Variants in ARHGAP24 observed in about 807,000 individuals in gnomAD.
ARHGAP24 encodes the protein rho GTPase-activating protein 24.
ARHGAP24 carries 50 observed loss-of-function variants against 76.4 expected under a neutral mutation model. That is an observed-to-expected ratio of 0.65 (90% CI 0.52 to 0.83). The LOEUF (loss-of-function observed/expected upper bound fraction) is 0.83. ARHGAP24 is among the 40% of genes least tolerant of loss of function. The pLI is 0.00. For synonymous variants in ARHGAP24, 345 were observed against 323.3 expected, an observed-to-expected ratio of 1.07 and a Z score of -0.72; for missense variants, 930 against 914.2, an observed-to-expected ratio of 1.02 and a Z score of -0.22.
intron 3 of ARHGAP24, among the ~76,000 whole-genome samples, chr4:85,744,495 A>G (rs1725951153): frequency 6.6e-6 from 1 of 152,230 alleles, no homozygotes; most frequent in African/African-American, 2.4e-5. Flanking sequence ...CTCTTGGAGC[A>G]CAAATTCAAG....
At chr4:85,957,690 T>G (rs1737998767) in intron 5 of ARHGAP24, among the ~76,000 whole-genome samples, 1 of 152,228 alleles carries the variant, frequency 6.6e-6, no homozygotes, top group African/African-American at 2.4e-5. Flanking sequence ...ATGCTTGGCT[T>G]CTTCTCTAAT....
chr4:85,728,076 A>G (rs1005608256), intron 3 of ARHGAP24, among the ~76,000 whole-genome samples: 1 of 152,124 alleles, frequency 6.6e-6, no homozygotes, highest in Non-Finnish European at 1.5e-5. Flanking sequence ...AATTATTTCC[A>G]ATACCCTCAG....
intron 3 of ARHGAP24, among the ~76,000 whole-genome samples, chr4:85,805,898 G>C (rs1487145370): frequency 6.6e-6 from 1 of 152,122 alleles, no homozygotes; most frequent in African/African-American, 2.4e-5. Context: ...CTCTCTAGAA[G>C]AATGCACATG....
chr4:85,727,916 A>G (rs1560604453), intron 3 of ARHGAP24, among the ~76,000 whole-genome samples: 1 of 152,194 alleles, frequency 6.6e-6, no homozygotes, highest in East Asian at 1.9e-4. Flanking sequence ...CACAAAAGAC[A>G]AGGGGATGAG....
chr4:85,888,779 C>T (rs1325954474), intron 3 of ARHGAP24, among the ~76,000 whole-genome samples: 1 of 152,080 alleles, frequency 6.6e-6, no homozygotes, highest in Non-Finnish European at 1.5e-5. Flanking sequence ...TCCTCCTACC[C>T]TCCACCCTCC....
At chr4:85,856,488 T>TTTTTTTTA (rs1731576133) in intron 3 of ARHGAP24, among the ~76,000 whole-genome samples, 1 of 140,696 alleles carries the variant, frequency 7.1e-6, no homozygotes, top group Admixed American at 7.0e-5. Context: ...TTTTTTTTTT[T>TTTTTTTTA]GAGACAAAGT....
intron 1 of ARHGAP24, among the ~76,000 whole-genome samples, chr4:85,488,662 A>C (rs550828040): frequency 6.6e-6 from 1 of 152,148 alleles, no homozygotes; most frequent in Non-Finnish European, 1.5e-5. Flanking sequence ...AGCCTTTCTC[A>C]CCTGGGGTTC....
In ARHGAP24 at chr4:85,570,431, C is replaced by CTT. The variant is rs202209554; in HGVS notation, c.-20-81_-20-80dup. 9.4e-5 allele frequency: 40 copies of CTT among 424,430 alleles called. 1 individual carries two copies. Among genetic ancestry groups the CTT allele is most frequent in the South Asian group, 5.5e-4 (12 of 21,744 alleles). The allele number at this position is 424,430 out of a possible 1,614,324, so 26.3% of individuals were successfully genotyped here. A position where few individuals can be genotyped will look rare whatever the true frequency, so the allele number is the denominator to read the frequency against. ...CTTTCTTTCTTTCCTCTCTCTCTCT[C>CTT]TTTTTTTTTTTCTGGAGAAGAGTGG... On this transcript the variant is annotated intron_variant, in intron 1 of 9. Coordinates refer to ENST00000395184, the MANE Select transcript of ARHGAP24 (RefSeq NM_001025616.3).
At chr4:85,905,498 G>T (rs1220239384) in intron 3 of ARHGAP24, among the ~76,000 whole-genome samples, 1 of 151,916 alleles carries the variant, frequency 6.6e-6, no homozygotes, top group African/African-American at 2.4e-5. Context: ...TTCCTCTCTT[G>T]TTCCTATTTT....
intron 1 of ARHGAP24, among the ~76,000 whole-genome samples, chr4:85,481,309 C>T (rs1407282070): frequency 6.6e-6 from 1 of 152,124 alleles, no homozygotes; most frequent in Admixed American, 6.5e-5. Context: ...CTGCATAAGT[C>T]CAAATACCCT....
At chr4:85,555,799 TG>T (rs1382035576) in intron 1 of ARHGAP24, among the ~76,000 whole-genome samples, 8 of 151,864 alleles carry the variant, frequency 5.3e-5, no homozygotes, top group African/African-American at 1.7e-4. Context: ...CAGCCTGGGG[TG>T]GGGTGGCTGC....
At chr4:85,931,325 C>T (rs899673146) in intron 4 of ARHGAP24, among the ~76,000 whole-genome samples, 3 of 151,998 alleles carry the variant, frequency 2.0e-5, no homozygotes, top group African/African-American at 7.2e-5. Flanking sequence ...CTGGGCTGAC[C>T]GTCCTCAGAG....
intron 3 of ARHGAP24, among the ~76,000 whole-genome samples, chr4:85,910,907 C>G (rs1735038706): frequency 6.6e-6 from 1 of 152,142 alleles, no homozygotes; most frequent in Non-Finnish European, 1.5e-5. Context: ...CGAGACCCAC[C>G]CCCTCCCATC....
At chr4:85,937,094 G>T (rs78818675) in intron 4 of ARHGAP24, among the ~76,000 whole-genome samples, 140 of 152,284 alleles carry the variant, frequency 9.2e-4, no homozygotes, top group African/African-American at 3.3e-3. Flanking sequence ...GGCATGATCC[G>T]ATTGAAATAT....
chr4:85,861,472 C>T (rs1731893823), intron 3 of ARHGAP24, among the ~76,000 whole-genome samples: 1 of 151,996 alleles, frequency 6.6e-6, no homozygotes, highest in South Asian at 2.1e-4. Context: ...TCAGTTTTGC[C>T]CTAATGTCCT....
intron 5 of ARHGAP24, among the ~76,000 whole-genome samples, chr4:85,954,459 T>A (rs1348440106): frequency 6.6e-6 from 1 of 152,204 alleles, no homozygotes; most frequent in East Asian, 1.9e-4. Flanking sequence ...TCCTTACCTG[T>A]CCTGATGCTA....
chr4:85,907,559 A>G (rs941490570), intron 3 of ARHGAP24, among the ~76,000 whole-genome samples: 3 of 151,922 alleles, frequency 2.0e-5, no homozygotes, highest in Non-Finnish European at 2.9e-5. Flanking sequence ...AGGTGCACAT[A>G]TGTGTGAGCA....
chr4:85,503,663 AC>A (rs935040347), intron 1 of ARHGAP24, among the ~76,000 whole-genome samples: 1 of 151,916 alleles, frequency 6.6e-6, no homozygotes, highest in African/African-American at 2.4e-5. Context: ...TTTTTGAAAA[AC>A]CAGCTCCTGG....
At chr4:85,722,924 T>C (rs1260923654) in intron 3 of ARHGAP24, among the ~76,000 whole-genome samples, 1 of 152,188 alleles carries the variant, frequency 6.6e-6, no homozygotes, top group Non-Finnish European at 1.5e-5. Context: ...TATTTTCCCC[T>C]CGATGAAAAC....
Sources: gnomAD v4.1 joint callset for allele counts (sites outside exome capture counted in the v4.1 genomes callset) on GRCh38, gnomAD v4.1.1 for gene constraint, MANE v1.5 for transcripts, NCBI Gene and HGNC (gene_info 2026-07-23, HGNC 2026-07-21) for gene names.